The following DYNC1I2 variants were observed in gnomAD, a reference collection of about 807,000 sequenced individuals.
DYNC1I2 encodes dynein cytoplasmic 1 intermediate chain 2, also known as cytoplasmic dynein 1 intermediate chain 2.
DYNC1I2 carries 53 observed loss-of-function variants against 88.6 expected under a neutral mutation model. The observed-to-expected ratio is 0.60, with a 90% confidence interval of 0.48 to 0.75. The LOEUF is 0.75. DYNC1I2 is among the 30% of genes least tolerant of loss of function. The pLI is 0.00. For synonymous variants in DYNC1I2, 198 were observed against 254.6 expected (o/e 0.78, Z 2.12); for missense variants, 458 against 766.6 (o/e 0.60, Z 4.75).
intron 5 of DYNC1I2, among the ~76,000 whole-genome samples, chr2:171,708,739 C>G (rs796479769): frequency 2.6e-5 from 4 of 152,136 alleles, no homozygotes; most frequent in African/African-American, 9.6e-5. Context: ...GTCACCCAGA[C>G]TGGAGGGCAG....
At chr2:171,698,031 C>T (rs1685917735) in intron 3 of DYNC1I2, among the ~76,000 whole-genome samples, 1 of 152,166 alleles carries the variant, frequency 6.6e-6, no homozygotes, top group East Asian at 1.9e-4. Flanking sequence ...TTGTGATAAC[C>T]TGATCTCTCC....
intron 2 of DYNC1I2, 56 bp from the exon 3 acceptor site, chr2:171,692,721 G>A: frequency 7.9e-7 from 1 of 1,272,208 alleles, no homozygotes; most frequent in African/African-American, 1.5e-5. Flanking sequence ...AAACATTTTT[G>A]CAAACAAATT....
rs1688206238 is a variant in DYNC1I2, at chr2:171,725,718, CT to C, written c.607+7del. On this transcript the variant is annotated splice_donor_region_variant and intron_variant, in intron 8 of 17. Coordinates refer to ENST00000397119, the MANE Select transcript of DYNC1I2 (RefSeq NM_001378.3). ...ATGAGGAAAATGATAGTAAAGGTAT[CT>C]TAAGGAATTAAACTTTAAAACATTT... The C allele has an allele frequency of 6.6e-7, 1 of 1,524,652 alleles. No homozygotes were observed. The highest frequency in any genetic ancestry group is 1.4e-5 in the African/African-American group (1 of 70,412). 94.4% of individuals were successfully genotyped at this position (1,524,652 alleles called of 1,614,324 possible).
At chr2:171,738,469 T>G (rs1689167764) in intron 15 of DYNC1I2, among the ~76,000 whole-genome samples, 1 of 152,280 alleles carries the variant, frequency 6.6e-6, no homozygotes, top group African/African-American at 2.4e-5. Flanking sequence ...TATTCCATTA[T>G]GTAAATATAC....
rs148941511 is a variant in DYNC1I2 at position 171,693,606 on chromosome 2, G to C, written c.226+712G>C. Among the ~76,000 whole-genome samples, 459 of 152,246 alleles carry C rather than the reference G, an allele frequency of 3.0e-3. 1 individual carries two copies. Among genetic ancestry groups the C allele is most frequent in the African/African-American group, 0.01 (425 of 41,548 alleles). On this transcript the variant is annotated intron_variant, in intron 3 of 17. Transcript: ENST00000397119. ...ACCTAACATTTTAGGGCTAGTTGGT[G>C]GGCTAATTTTATCTAGTCCAGGGGA...
intron 3 of DYNC1I2, chr2:171,693,141 G>A: frequency 2.4e-6 from 1 of 409,486 alleles, no homozygotes; most frequent in Non-Finnish European, 4.5e-6. Flanking sequence ...TATTAAATCA[G>A]TAATTTATTT....
intron 10 of DYNC1I2, 75 bp downstream of exon 10, chr2:171,726,368 T>C (rs765557168): frequency 3.2e-5 from 33 of 1,027,396 alleles, no homozygotes; most frequent in Non-Finnish European, 4.2e-5. Flanking sequence ...ATTTTAATTA[T>C]GGGAATTTTG....
chr2:171,708,488 G>T (rs576848675), intron 5 of DYNC1I2, among the ~76,000 whole-genome samples: 1 of 152,160 alleles, frequency 6.6e-6, no homozygotes, highest in East Asian at 1.9e-4. Flanking sequence ...ACAAATCTAA[G>T]CTATACTATC....
At chr2:171,716,291 A>G (rs138596547) in intron 7 of DYNC1I2, among the ~76,000 whole-genome samples, 1 of 152,310 alleles carries the variant, frequency 6.6e-6, no homozygotes, top group African/African-American at 2.4e-5. Flanking sequence ...GCAGCAAAAC[A>G]TATGAACATA....
chr2:171,738,003 C>T (rs932076404), intron 15 of DYNC1I2, among the ~76,000 whole-genome samples: 1 of 151,864 alleles, frequency 6.6e-6, no homozygotes, highest in African/African-American at 2.4e-5. Context: ...TAGCTTTTTT[C>T]ATATTTTGTA....
At chr2:171,746,909 T>G (rs1301713013) in intron 17 of DYNC1I2, among the ~76,000 whole-genome samples, 1 of 151,900 alleles carries the variant, frequency 6.6e-6, no homozygotes, top group Non-Finnish European at 1.5e-5. Flanking sequence ...TATTTGTTAT[T>G]GGGGCCGGGC....
chr2:171,708,004 T>C (rs1276749316), intron 5 of DYNC1I2, among the ~76,000 whole-genome samples: 1 of 151,938 alleles, frequency 6.6e-6, no homozygotes, highest in Non-Finnish European at 1.5e-5. Context: ...TTCAGTAAGA[T>C]TTCAGCTTTC....
chr2:171,706,465 T>C, intron 3 of DYNC1I2, 82 bp from the exon 4 acceptor site: 2 of 1,191,526 alleles, frequency 1.7e-6, no homozygotes, highest in Non-Finnish European at 1.2e-6. Context: ...GTTTATTTTA[T>C]ATACTATGAA....
At chr2:171,743,630 G>A (rs1689594724) in intron 15 of DYNC1I2, among the ~76,000 whole-genome samples, 1 of 152,188 alleles carries the variant, frequency 6.6e-6, no homozygotes, top group Non-Finnish European at 1.5e-5. Flanking sequence ...TTATTTGGAA[G>A]TTTGTCTCCT....
chr2:171,741,720 C>T (rs1055858708), intron 15 of DYNC1I2, among the ~76,000 whole-genome samples: 14 of 152,142 alleles, frequency 9.2e-5, no homozygotes, highest in African/African-American at 3.4e-4. Flanking sequence ...GTGCTTTTGG[C>T]TTCTCAACTG....
At chr2:171,729,440 T>A (rs1688461488) in intron 14 of DYNC1I2, among the ~76,000 whole-genome samples, 1 of 152,208 alleles carries the variant, frequency 6.6e-6, no homozygotes, top group African/African-American at 2.4e-5. Context: ...GGTATCTTTG[T>A]TTCTATTACA....
intron 7 of DYNC1I2, among the ~76,000 whole-genome samples, chr2:171,717,565 C>A (rs1687598983): frequency 6.6e-6 from 1 of 152,130 alleles, no homozygotes; most frequent in Admixed American, 6.5e-5. Context: ...TTGCTTGAGA[C>A]ACAAGCAACT....
At chr2:171,713,220 G>A (rs1369389556) in intron 6 of DYNC1I2, among the ~76,000 whole-genome samples, 2 of 152,012 alleles carry the variant, frequency 1.3e-5, no homozygotes, top group Non-Finnish European at 2.9e-5. Context: ...GAATAATGGA[G>A]ATGCTGGTCC....
chr2:171,722,637 A>G (rs1687975297), intron 7 of DYNC1I2, among the ~76,000 whole-genome samples: 1 of 152,200 alleles, frequency 6.6e-6, no homozygotes, highest in African/African-American at 2.4e-5. Flanking sequence ...ATATTAGCTT[A>G]TAACAAGAAA....
Sources: allele counts gnomAD v4.1 joint callset (sites outside exome capture counted in the v4.1 genomes callset), GRCh38; gene constraint gnomAD v4.1.1; transcripts MANE v1.5; gene names NCBI Gene and HGNC (gene_info 2026-07-23, HGNC 2026-07-21).